The following EVL variants were observed in gnomAD, a reference collection of about 807,000 sequenced individuals.
EVL encodes the protein Enah/Vasp-like.
In EVL, 21 loss-of-function variants were observed where a neutral mutation model predicts 59.6. The observed-to-expected ratio is 0.35, with a 90% confidence interval of 0.25 to 0.51. The LOEUF is 0.51. EVL is among the 20% of genes least tolerant of loss of function. The pLI is 0.97. For missense variants in EVL, 462 were observed against 546.6 expected (o/e 0.85, Z 1.54); for synonymous variants, 198 against 203.5 (o/e 0.97, Z 0.23).
intron 3 of EVL, among the ~76,000 whole-genome samples, chr14:100,111,129 T>A (rs1886949098): frequency 6.6e-6 from 1 of 150,540 alleles, no homozygotes; most frequent in Non-Finnish European, 1.5e-5. Context: ...ATTTCACCAT[T>A]CTAAGCCTTA....
At chr14:100,065,722 CCTGTGTCT>C (rs1192026497) in intron 1 of EVL, among the ~76,000 whole-genome samples, 1 of 152,122 alleles carries the variant, frequency 6.6e-6, no homozygotes, top group African/African-American at 2.4e-5. Context: ...ATTACACAGG[CCTGTGTCT>C]CTTGATGCCT....
At chr14:100,132,802 C>A in intron 8 of EVL, 23 bp downstream of exon 8, 1 of 1,613,448 alleles carries the variant, frequency 6.2e-7, no homozygotes, top group Non-Finnish European at 8.5e-7. Flanking sequence ...CCCGCCCCAC[C>A]CTCAGGCTCC....
upstream of EVL, among the ~76,000 whole-genome samples, chr14:100,064,592 A>G (rs1266717859): frequency 6.6e-6 from 1 of 152,218 alleles, no homozygotes; most frequent in African/African-American, 2.4e-5. Context: ...AGAAGTACAA[A>G]TTTTGTTCCA....
At chr14:99,983,273 A>T (rs1243205666) in intron 1 of EVL, among the ~76,000 whole-genome samples, 1 of 152,222 alleles carries the variant, frequency 6.6e-6, no homozygotes, top group South Asian at 2.1e-4. Context: ...AAGATAAAAC[A>T]GGAGACATAA....
At chr14:100,089,136 A>G (rs2140307800) in intron 2 of EVL, among the ~76,000 whole-genome samples, 1 of 152,372 alleles carries the variant, frequency 6.6e-6, no homozygotes, top group South Asian at 2.1e-4. Context: ...TATATCTTCA[A>G]AACACATAAC....
Position 100,109,536 on chromosome 14 carries a change from C to T in EVL, c.358+11878C>T, listed in dbSNP as rs1886812335. On this transcript the variant is annotated intron_variant, in intron 3 of 13. Transcript: ENST00000392920. This position sits in a 1 kb window ranked among gnomAD's most constrained non-coding sequence, Gnocchi z 4.3. ...AGGTGTCTGGTGACTGAACAAGCTC[C>T]CAGCTTGCGCCCATGTCATATTGTG... The T allele has an allele frequency of 2.1e-6, 1 of 470,096 alleles. No individual in the cohort carries two copies. The highest frequency in any genetic ancestry group is 4.4e-6 in the Non-Finnish European group (1 of 226,256). 29.1% of individuals were successfully genotyped at this position (470,096 alleles called of 1,614,324 possible).
chr14:100,137,404 T>A (rs978899021), intron 9 of EVL, 174 bp from the exon 10 acceptor site: 2 of 642,650 alleles, frequency 3.1e-6, no homozygotes, highest in Non-Finnish European at 5.5e-6. Context: ...ACCTAGGCCA[T>A]GGGGGACTGA....
In EVL at chr14:100,084,869, T is replaced by C. The variant is rs367836146; in HGVS notation, c.180+14T>C. 1 of 1,613,350 alleles carries C rather than the reference T, an allele frequency of 6.2e-7. No homozygotes were observed. Among genetic ancestry groups the C allele is most frequent in the African/African-American group, 1.3e-5 (1 of 74,888 alleles). ...CAGGATCAGCAGGTCAGTGCTGGAA[T>C]TACAGATTATACCCGTGAGCCTGCG... On this transcript the variant is annotated intron_variant, in intron 2 of 13. Coordinates refer to ENST00000392920, the MANE Select transcript of EVL (RefSeq NM_016337.3).
intron 1 of EVL, among the ~76,000 whole-genome samples, chr14:100,009,738 C>T (rs1193584772): frequency 6.6e-6 from 1 of 152,160 alleles, no homozygotes; most frequent in Non-Finnish European, 1.5e-5. Flanking sequence ...GAACATGTGC[C>T]TAAGGTGGTC....
At chr14:100,016,078 CAAAAAA>C (rs756318037) in intron 1 of EVL, among the ~76,000 whole-genome samples, 2 of 90,130 alleles carry the variant, frequency 2.2e-5, no homozygotes, top group African/African-American at 7.7e-5. Flanking sequence ...GACTCTGTCT[CAAAAAA>C]AAAAAAAAAA....
In EVL at chr14:100,084,707, C is replaced by T; in HGVS notation, c.32C>T (p.Ala11Val). ...GGCAGTGAACAGAGTATCTGCCAAG[C>T]CCGGGCTTCCGTGATGGTCTACGAT... is the stretch of plus-strand genomic sequence containing the variant. MATSEQSICQ[A>V]RASVMVYDDT... Residue 11 changes from alanine (A) to valine (V), a missense_variant, in exon 2 of 14, where the codon GCC (alanine) becomes GTC (valine). Ala to Val is a moderately conservative substitution (Grantham distance 64). Coordinates refer to ENST00000392920, the MANE Select transcript of EVL (RefSeq NM_016337.3). The T allele has an allele frequency of 6.2e-7, 1 of 1,614,150 alleles. No individual in the cohort carries two copies. Among genetic ancestry groups the T allele is most frequent in the South Asian group, 1.1e-5 (1 of 91,084 alleles).
intron 11 of EVL, chr14:100,138,264 G>T (rs529554366): frequency 5.6e-6 from 1 of 179,052 alleles, no homozygotes; most frequent in Non-Finnish European, 1.2e-5. Context: ...TAGCACTGGC[G>T]CTGAGCCCTA....
intron 1 of EVL, 36 bp downstream of exon 1, chr14:100,065,547 G>A (rs369949882): frequency 5.3e-6 from 7 of 1,324,012 alleles, no homozygotes; most frequent in Non-Finnish European, 7.2e-6. Flanking sequence ...ACAGAGGGAT[G>A]TCAAGAGGAA....
Position 100,130,101 on chromosome 14 carries a change from CA to C in EVL, c.839+418del, listed in dbSNP as rs1888336905. 6.6e-6 allele frequency among the ~76,000 whole-genome samples: 1 copy of C among 152,200 alleles called. No individual in the cohort carries two copies. Among genetic ancestry groups the C allele is most frequent in the Non-Finnish European group, 1.5e-5 (1 of 68,036 alleles). On this transcript the variant is annotated intron_variant, in intron 7 of 13. Transcript: ENST00000392920. This position sits in a 1 kb window ranked among gnomAD's most constrained non-coding sequence, Gnocchi z 4.8. Reference sequence around the variant, plus strand: ...TGTGTGGTGAAGGCACCCCATTCTCCAGGGTTCTTTATGGAGGACTCAGGAG... The same window carrying C: ...TGTGTGGTGAAGGCACCCCATTCTCCGGGTTCTTTATGGAGGACTCAGGAG...
At chr14:100,090,136 G>A (rs2062533126) in intron 2 of EVL, among the ~76,000 whole-genome samples, 1 of 151,936 alleles carries the variant, frequency 6.6e-6, no homozygotes, top group Admixed American at 6.6e-5. Context: ...GTATGATAGA[G>A]AAACACAAAA....
intron 3 of EVL, among the ~76,000 whole-genome samples, chr14:100,101,476 G>A (rs1236253928): frequency 6.6e-6 from 1 of 151,854 alleles, no homozygotes; most frequent in Non-Finnish European, 1.5e-5. Context: ...GCGAAACTCT[G>A]TCTCAAAAAA....
chr14:100,065,268 G>A, upstream of EVL: 1 of 265,560 alleles, frequency 3.8e-6, no homozygotes, highest in Non-Finnish European at 6.9e-6. Context: ...CACGCTGGTG[G>A]GGCTCTGCAG....
chr14:100,135,987 C>T lies in EVL; in HGVS notation c.964+19C>T, dbSNP rs1336035610. On this transcript the variant is annotated intron_variant, in intron 9 of 13. Coordinates refer to ENST00000392920, the MANE Select transcript of EVL (RefSeq NM_016337.3). The stretch of plus-strand genomic sequence containing the variant: ...TCCTCAGGTGAGAGGGCGCCCCCCG[C>T]TGACCCCAGTGAGGCATGAGGTCTC... The T allele has an allele frequency of 6.2e-7, 1 of 1,613,212 alleles. No homozygotes were observed. Among genetic ancestry groups the T allele is most frequent in the Non-Finnish European group, 8.5e-7 (1 of 1,179,970 alleles).
chr14:100,117,488 G>A (rs1887426736), intron 3 of EVL, among the ~76,000 whole-genome samples: 1 of 152,190 alleles, frequency 6.6e-6, no homozygotes, highest in Admixed American at 6.5e-5. Flanking sequence ...CTGCAGTCTT[G>A]GTGACTCTGT....
Sources: gnomAD v4.1 joint callset for allele counts (sites outside exome capture counted in the v4.1 genomes callset) on GRCh38, gnomAD v4.1.1 for gene constraint, Gnocchi (gnomAD v3.1) non-coding constraint, MANE v1.5 for transcripts, NCBI Gene and HGNC (gene_info 2026-07-23, HGNC 2026-07-21) for gene names.